The following NCKAP5 variants were observed in gnomAD, a reference collection of about 807,000 sequenced individuals.
NCKAP5 encodes NCK associated protein 5.
In NCKAP5, 92 loss-of-function variants were observed where a neutral mutation model predicts 167.0. That is an observed-to-expected ratio of 0.55 (90% CI 0.47 to 0.66). The LOEUF (loss-of-function observed/expected upper bound fraction) is 0.66, where lower values mean the gene tolerates loss of function less well. Among genes scored for constraint, NCKAP5 ranks in the 30% least tolerant of loss-of-function variants. NCKAP5 has a pLI of 0.00. For synonymous variants in NCKAP5, 891 were observed against 877.4 expected (o/e 1.02, Z -0.27); for missense variants, 2,378 against 2,315.0 (o/e 1.03, Z -0.56).
the NCKAP5 span, among the ~76,000 whole-genome samples, chr2:133,672,663 G>A: frequency 6.6e-6 from 1 of 152,172 alleles, no homozygotes; most frequent in Non-Finnish European, 1.5e-5. Flanking sequence ...GCCCTGCCAT[G>A]GTAACACAAA....
chr2:133,120,861 G>A (rs1042139924), intron 6 of NCKAP5, among the ~76,000 whole-genome samples: 1 of 152,164 alleles, frequency 6.6e-6, no homozygotes, highest in African/African-American at 2.4e-5. Flanking sequence ...CACACTATCT[G>A]TAAAATTCTT....
At chr2:133,493,852 A>C (rs1681689131) in intron 3 of NCKAP5, among the ~76,000 whole-genome samples, 1 of 152,212 alleles carries the variant, frequency 6.6e-6, no homozygotes, top group Non-Finnish European at 1.5e-5. Flanking sequence ...CAGGCAGAAA[A>C]AATAGTGACA....
At chr2:133,108,578 T>C (rs747533253) in intron 6 of NCKAP5, among the ~76,000 whole-genome samples, 18 of 152,208 alleles carry the variant, frequency 1.2e-4, no homozygotes, top group South Asian at 2.1e-4. Context: ...GGACATTATG[T>C]CCTTGCCAAT....
rs562633583 is a variant in NCKAP5 at position 133,543,248 on chromosome 2, G to T, written c.-62+15802C>A. ...TCACTCTCTCGCCATGTGATATACC[G>T]GCTCCCCCTTTGTCTTCCACCATGA... On this transcript the variant is annotated intron_variant, in intron 2 of 19. Transcript: ENST00000409261. Among the ~76,000 whole-genome samples, 3 of 152,084 alleles carry T rather than the reference G, an allele frequency of 2.0e-5. No homozygotes were observed. The South Asian group carries it at 6.2e-4, about 32-fold the overall frequency.
chr2:133,063,678 G>A (rs1323206974), intron 6 of NCKAP5, among the ~76,000 whole-genome samples: 1 of 152,076 alleles, frequency 6.6e-6, no homozygotes, highest in South Asian at 2.1e-4. Flanking sequence ...ACTCACATTT[G>A]CCCTTATACC....
rs149459608 is a variant in NCKAP5 at position 133,471,018 on chromosome 2, G to C, written c.69+46440C>G. 1.1e-3 allele frequency among the ~76,000 whole-genome samples: 165 copies of C among 152,264 alleles called. 3 individuals are homozygous for C. In the East Asian group the frequency reaches 0.029, roughly 27 times the overall value. ...CTGTAGACTGGAGCTGTTCCTATTC[G>C]GCCATCTTGGCTCCTCCCCCCCTGC... is the stretch of plus-strand genomic sequence containing the variant. On this transcript the variant is annotated intron_variant, in intron 3 of 19. Coordinates refer to ENST00000409261, the MANE Select transcript of NCKAP5 (RefSeq NM_207363.3).
chr2:133,560,816 T>C (rs1383169397), intron 1 of NCKAP5, among the ~76,000 whole-genome samples: 1 of 152,212 alleles, frequency 6.6e-6, no homozygotes, highest in Non-Finnish European at 1.5e-5. Flanking sequence ...CCCACTTTTG[T>C]TGAGAGTAAG....
At chr2:132,825,184 G>A (rs1467853421) in intron 11 of NCKAP5, among the ~76,000 whole-genome samples, 1 of 152,116 alleles carries the variant, frequency 6.6e-6, no homozygotes, top group East Asian at 1.9e-4. Flanking sequence ...TCCTCGTACT[G>A]CCCACAGGAC....
At chr2:133,604,976 T>G in the NCKAP5 span, among the ~76,000 whole-genome samples, 14 of 152,360 alleles carry the variant, frequency 9.2e-5, no homozygotes, top group African/African-American at 3.4e-4. Context: ...GGCTATCGCC[T>G]TCCCTTCCCT....
chr2:133,648,713 C>A, the NCKAP5 span, among the ~76,000 whole-genome samples: 1 of 151,708 alleles, frequency 6.6e-6, no homozygotes, highest in South Asian at 2.1e-4. Flanking sequence ...AAAACACACA[C>A]ACAACATGCC....
intron 16 of NCKAP5, among the ~76,000 whole-genome samples, chr2:132,771,678 G>GCT (rs1553433554): frequency 2.8e-5 from 4 of 142,782 alleles, no homozygotes; most frequent in Non-Finnish European, 3.1e-5. Flanking sequence ...GATGCTAATT[G>GCT]TTTTTTTTTT....
At position 132,725,852 on chromosome 2, in the gene NCKAP5, T is replaced by G. The variant is rs918458069; in HGVS notation, c.5581-93A>C. On this transcript the variant is annotated intron_variant, in intron 18 of 19. Coordinates refer to ENST00000409261, the MANE Select transcript of NCKAP5 (RefSeq NM_207363.3). ...GGATGCGACACAGTTCACATCTGGC[T>G]GTCAATGTGTGCACAGAATTCCATT... The G allele has an allele frequency of 3.1e-6, 4 of 1,288,214 alleles. No individual in the cohort carries two copies. In the African/African-American group the frequency reaches 4.5e-5, roughly 14 times the overall value. 79.8% of individuals were successfully genotyped at this position (1,288,214 alleles called of 1,614,324 possible). A position where few individuals can be genotyped will look rare whatever the true frequency, so the allele number is the denominator to read the frequency against.
chr2:133,344,250 A>G (rs1683797855), intron 3 of NCKAP5, among the ~76,000 whole-genome samples: 2 of 152,130 alleles, frequency 1.3e-5, no homozygotes, highest in African/African-American at 4.8e-5. Flanking sequence ...CTCTACTAAA[A>G]ATACAAAAAT....
In NCKAP5 at chr2:132,782,713, A is replaced by T. The variant is rs753863985; in HGVS notation, c.4098T>A (p.Ser1366Arg). 1 of 1,613,932 alleles carries T rather than the reference A, an allele frequency of 6.2e-7. No individual in the cohort carries two copies. Among genetic ancestry groups the T allele is most frequent in the Non-Finnish European group, 8.5e-7 (1 of 1,179,870 alleles). ...GSFSSQHGSP[S>R]KLPLRIPPKS... ...TTGGAGGGATCCTCAAAGGCAACTT[A>T]CTTGGGCTCCCATGCTGACTGCTGA... is the stretch of plus-strand genomic sequence containing the variant. Residue 1366 changes from serine to arginine, a missense_variant, in exon 14 of 20, where the codon AGT becomes AGA. Around this residue, in one of 3 missense-constraint regions of NCKAP5, gnomAD observed 1,325 missense variants for 1,274.5 expected, o/e 1.04. Coordinates refer to ENST00000409261, the MANE Select transcript of NCKAP5 (RefSeq NM_207363.3).
chr2:132,939,144 T>C (rs1350002036), intron 8 of NCKAP5, among the ~76,000 whole-genome samples: 1 of 152,160 alleles, frequency 6.6e-6, no homozygotes, highest in Non-Finnish European at 1.5e-5. Flanking sequence ...AAATGACCTT[T>C]TAAAAACACT....
In NCKAP5 at chr2:133,449,182, T is replaced by G. The variant is rs559079301; in HGVS notation, c.69+68276A>C. On this transcript the variant is annotated intron_variant, in intron 3 of 19. Transcript: ENST00000409261. ...TTCACTTTACATTCCTGTTGCCTAT[T>G]GTAGAGTAGTTGCTCAATAAGTCTT... is the stretch of plus-strand genomic sequence containing the variant. Among the ~76,000 whole-genome samples the G allele has an allele frequency of 7.1e-4, 108 of 152,312 alleles. 1 individual carries two copies. Among genetic ancestry groups the G allele is most frequent in the African/African-American group, 2.6e-3 (108 of 41,580 alleles).
At chr2:133,138,964 C>T (rs1214922624) in intron 5 of NCKAP5, among the ~76,000 whole-genome samples, 1 of 152,180 alleles carries the variant, frequency 6.6e-6, no homozygotes, top group Non-Finnish European at 1.5e-5. Context: ...GGAACTCACA[C>T]CTGTTGCTTT....
chr2:133,006,003 T>G (rs186216099), intron 6 of NCKAP5, among the ~76,000 whole-genome samples: 5 of 152,140 alleles, frequency 3.3e-5, no homozygotes, highest in Non-Finnish European at 4.4e-5. Flanking sequence ...ACACTAGTAA[T>G]CCCAGCACTT....
chr2:133,306,242 A>G (rs1387198834), intron 3 of NCKAP5, among the ~76,000 whole-genome samples: 1 of 152,252 alleles, frequency 6.6e-6, no homozygotes, highest in Non-Finnish European at 1.5e-5. Flanking sequence ...GAGCAAGTAC[A>G]TACAGGAGGT....
Sources: gnomAD v4.1 joint callset for allele counts (sites outside exome capture counted in the v4.1 genomes callset) on GRCh38, gnomAD v4.1.1 for gene constraint, gnomAD v4.1.1 regional missense constraint, MANE v1.5 for transcripts, NCBI Gene and HGNC (gene_info 2026-07-23, HGNC 2026-07-21) for gene names.